The following ADPRHL1 variants were observed in gnomAD, a reference collection of about 807,000 sequenced individuals.
The protein encoded by ADPRHL1 is ADP-ribosylhydrolase like 1.
Under a neutral mutation model 44.1 loss-of-function variants are expected in ADPRHL1, and 43 were observed. That is an observed-to-expected ratio of 0.98 (90% CI 0.76 to 1.26). ADPRHL1 has a LOEUF of 1.26. ADPRHL1 is among the 50% of genes most tolerant of loss of function. The pLI is 0.00. For missense variants in ADPRHL1, 2,022 were observed against 2,496.9 expected, an observed-to-expected ratio of 0.81 and a Z score of 4.05; for synonymous variants, 878 against 1,017.4, an observed-to-expected ratio of 0.86 and a Z score of 2.61.
chr13:113,422,743 C>T, intron 7 of ADPRHL1, 83 bp downstream of exon 7: 2 of 1,563,076 alleles, frequency 1.3e-6, no homozygotes, highest in Non-Finnish European at 1.7e-6. Context: ...CAGAGACACC[C>T]TCACCCAGGG....
At chr13:113,411,178 A>G (rs1198320734) in intron 7 of ADPRHL1, among the ~76,000 whole-genome samples, 1 of 152,192 alleles carries the variant, frequency 6.6e-6, no homozygotes, top group Non-Finnish European at 1.5e-5. Context: ...GAAAGATGAA[A>G]AACAGAGCTG....
intron 3 of ADPRHL1, among the ~76,000 whole-genome samples, chr13:113,433,310 G>A (rs548944688): frequency 6.6e-6 from 1 of 152,274 alleles, no homozygotes; most frequent in South Asian, 2.1e-4. Context: ...CTTGTCCCCA[G>A]GGTCCCCCCG....
chr13:113,406,271 G>T lies in ADPRHL1; in HGVS notation c.3011C>A (p.Thr1004Lys), dbSNP rs2043807846. 2 of 1,232,112 alleles carry T rather than the reference G, an allele frequency of 1.6e-6. No individual in the cohort carries two copies. Among genetic ancestry groups the T allele is most frequent in the South Asian group, 8.2e-5 (2 of 24,322 alleles). 76.3% of individuals were successfully genotyped at this position (1,232,112 alleles called of 1,614,324 possible). Reference sequence around the variant, plus strand: ...GTTTTGTGAGGCTGCAGGATCATTTGTTGCGGAGCCCTTCTTCTGCATTGA... The same window carrying T: ...GTTTTGTGAGGCTGCAGGATCATTTTTTGCGGAGCCCTTCTTCTGCATTGA... ...EISMQKKGSA[T>K]NDPAASQNLL... The change falls in exon 8 of 8, where the codon ACA (threonine) becomes AAA (lysine). Residue 1004 changes from threonine (T) to lysine (K), a missense_variant. This residue lies in a region of ADPRHL1 where 1,221 missense variants were observed against 1,517.8 expected (regional missense o/e 0.80). Transcript: ENST00000612156.
In ADPRHL1 at chr13:113,453,151, G is replaced by T; in HGVS notation, c.214+73C>A. ...CCGCACTGCCTTCAAAGCTCTCGGA[G>T]GCTTACTGGGAGAACTCGAGCAGCC... On this transcript the variant is annotated intron_variant, in intron 1 of 7. Coordinates refer to ENST00000612156, the MANE Select transcript of ADPRHL1 (RefSeq NM_001394807.1). The surrounding 1 kb of genome is among the most constrained non-coding windows in gnomAD (Gnocchi z 5.4). 6.5e-7 allele frequency: 1 copy of T among 1,545,538 alleles called. No homozygotes were observed. Among genetic ancestry groups the T allele is most frequent in the Non-Finnish European group, 8.9e-7 (1 of 1,123,126 alleles).
At chr13:113,420,418 CG>C (rs34416800) in intron 7 of ADPRHL1, among the ~76,000 whole-genome samples, 19,144 of 152,156 alleles carry the variant, frequency 0.13, 1,279 homozygotes, top group South Asian at 0.17. Flanking sequence ...CCTGCTCATG[CG>C]AGCTGGCCTT....
chr13:113,409,805 C>T lies in ADPRHL1; in HGVS notation c.1062-1585G>A, dbSNP rs1042412218. ...TTGGGAGGCTGAGGCAGGCGAATGG[C>T]GTGAACCCAGGAGGCAGAGCTTGCA... On this transcript the variant is annotated intron_variant, in intron 7 of 7. Coordinates refer to ENST00000612156, the MANE Select transcript of ADPRHL1 (RefSeq NM_001394807.1). The surrounding 1 kb of genome is among the most constrained non-coding windows in gnomAD (Gnocchi z 4.2). 9.5e-5 allele frequency among the ~76,000 whole-genome samples: 14 copies of T among 146,900 alleles called. No individual in the cohort carries two copies. Among genetic ancestry groups the T allele is most frequent in the African/African-American group, 1.8e-4 (7 of 39,612 alleles).
At chr13:113,446,724 T>C (rs946060124) in intron 1 of ADPRHL1, among the ~76,000 whole-genome samples, 3 of 152,116 alleles carry the variant, frequency 2.0e-5, no homozygotes, top group African/African-American at 4.8e-5. Context: ...CATAAATGCA[T>C]AGCATTGCGC....
chr13:113,435,165 A>G (rs1168520145), intron 2 of ADPRHL1, among the ~76,000 whole-genome samples: 1 of 52,234 alleles, frequency 1.9e-5, no homozygotes, highest in Admixed American at 2.1e-4. Flanking sequence ...GAGTGAACAT[A>G]GGTGTACCCT....
intron 2 of ADPRHL1, among the ~76,000 whole-genome samples, chr13:113,435,376 G>C (rs868629012): frequency 1.1e-4 from 16 of 140,010 alleles, no homozygotes; most frequent in African/African-American, 4.5e-4. Flanking sequence ...AGTGAACATA[G>C]GTGTACCCCA....
chr13:113,429,136 C>T, intron 3 of ADPRHL1, 44 bp from the exon 4 acceptor site: 1 of 1,579,864 alleles, frequency 6.3e-7, no homozygotes, highest in Non-Finnish European at 8.6e-7. Context: ...ACCTGGGCCG[C>T]TTGGGAGGGC....
rs117605449 is a variant in ADPRHL1 at position 113,405,323 on chromosome 13, G to A, written c.3959C>T (p.Ala1320Val). The change falls in exon 8 of 8, where the codon GCG becomes GTG. Residue 1320 changes from alanine (A) to valine (V), a missense_variant. This residue lies in a region of ADPRHL1 where 1,221 missense variants were observed against 1,517.8 expected (regional missense o/e 0.80). Coordinates refer to ENST00000612156, the MANE Select transcript of ADPRHL1 (RefSeq NM_001394807.1). Reference protein sequence around the residue: ...PDHLLPAVPPAEVDMGWVGGT... With the variant: ...PDHLLPAVPPVEVDMGWVGGT... ...ACCTACCCACCCCATGTCCACCTCC[G>A]CGGGAGGCACTGCGGGAAGCAGATG... 13,518 of 1,231,768 alleles carry A rather than the reference G, an allele frequency of 0.011. 89 individuals are homozygous for A. Among genetic ancestry groups the A allele is most frequent in the South Asian group, 0.016 (396 of 24,316 alleles). The allele number at this position is 1,231,768 out of a possible 1,614,324, so 76.3% of individuals were successfully genotyped here. A position where few individuals can be genotyped will look rare whatever the true frequency, so the allele number is the denominator to read the frequency against.
At chr13:113,410,610 G>C (rs1486498758) in intron 7 of ADPRHL1, among the ~76,000 whole-genome samples, 1 of 152,196 alleles carries the variant, frequency 6.6e-6, no homozygotes, top group Non-Finnish European at 1.5e-5. Flanking sequence ...TGAGTCATTG[G>C]AGCCCACCCA....
chr13:113,436,196 C>T (rs1411279972), intron 2 of ADPRHL1, among the ~76,000 whole-genome samples: 1 of 151,580 alleles, frequency 6.6e-6, no homozygotes, highest in African/African-American at 2.4e-5. Context: ...GACCCAGCAT[C>T]CACACGTAGA....
rs1566464917 is a variant in ADPRHL1 at position 113,407,262 on chromosome 13, G to T, written c.2020C>A (p.Pro674Thr). ...TGTCTTTGGGGCTCCTCCTCCAGGG[G>T]CCCCTTTCCCACTGCTTTGTTCCCA... is the stretch of plus-strand genomic sequence containing the variant. ...PSGNKAVGKG[P>T]LEEEPQRQPR... is the part of the protein sequence containing the mutation. Residue 674 changes from proline (P) to threonine (T), a missense_variant, in exon 8 of 8, where the codon CCC becomes ACC. This residue lies in a region of ADPRHL1 where 1,221 missense variants were observed against 1,517.8 expected (regional missense o/e 0.80). Coordinates refer to ENST00000612156, the MANE Select transcript of ADPRHL1 (RefSeq NM_001394807.1). 8.1e-7 allele frequency: 1 copy of T among 1,232,110 alleles called. No individual in the cohort carries two copies. Among genetic ancestry groups the T allele is most frequent in the Non-Finnish European group, 1.0e-6 (1 of 988,084 alleles). The allele number at this position is 1,232,110 out of a possible 1,614,324, so 76.3% of individuals were successfully genotyped here.
At chr13:113,439,436 T>C (rs963647718) in intron 2 of ADPRHL1, among the ~76,000 whole-genome samples, 2 of 135,698 alleles carry the variant, frequency 1.5e-5, no homozygotes, top group Non-Finnish European at 3.1e-5. Context: ...GCCTACAGTT[T>C]TCTTTGTATT....
intron 4 of ADPRHL1, among the ~76,000 whole-genome samples, chr13:113,426,218 G>C (rs1372174328): frequency 6.6e-6 from 1 of 152,196 alleles, no homozygotes; most frequent in Non-Finnish European, 1.5e-5. Flanking sequence ...ACAGGGAATC[G>C]CCTTCCCCGC....
intron 7 of ADPRHL1, among the ~76,000 whole-genome samples, chr13:113,412,604 C>T (rs1473888657): frequency 2.0e-5 from 3 of 152,244 alleles, no homozygotes; most frequent in Admixed American, 2.0e-4. Flanking sequence ...CTCTACTTTC[C>T]CGAGTCCAGA....
intron 1 of ADPRHL1, among the ~76,000 whole-genome samples, chr13:113,450,034 T>A (rs965010784): frequency 2.0e-5 from 3 of 152,226 alleles, no homozygotes; most frequent in African/African-American, 7.2e-5. Flanking sequence ...ATAACATGCG[T>A]GAAGCAGCTG....
chr13:113,444,767 T>C (rs923986609), intron 1 of ADPRHL1, among the ~76,000 whole-genome samples, 178 bp from the exon 2 acceptor site: 3 of 152,102 alleles, frequency 2.0e-5, no homozygotes, highest in Non-Finnish European at 4.4e-5. Context: ...GGACTACAGG[T>C]GCCCACCACC....
Sources: gnomAD v4.1 joint callset for allele counts (sites outside exome capture counted in the v4.1 genomes callset) on GRCh38, gnomAD v4.1.1 for gene constraint, gnomAD v4.1.1 regional missense constraint, Gnocchi (gnomAD v3.1) non-coding constraint, MANE v1.5 for transcripts, NCBI Gene and HGNC (gene_info 2026-07-23, HGNC 2026-07-21) for gene names.